The following VPS13D variants were observed in gnomAD, a reference collection of about 807,000 sequenced individuals.
VPS13D encodes the protein intermembrane lipid transfer protein VPS13D.
VPS13D carries 187 observed loss-of-function variants against 461.9 expected under a neutral mutation model. That is an observed-to-expected ratio of 0.40 (90% confidence interval 0.36 to 0.46). The LOEUF is 0.46. VPS13D is among the 20% of genes least tolerant of loss of function. The pLI is 0.60. For missense variants in VPS13D, 4,711 were observed against 5,364.9 expected, an observed-to-expected ratio of 0.88 and a Z score of 3.81; for synonymous variants, 1,951 against 1,986.3, an observed-to-expected ratio of 0.98 and a Z score of 0.47.
At position 12,509,058 on chromosome 1, in the gene VPS13D, G is replaced by A. The variant is rs1646151827; in HGVS notation, c.*34G>A. The stretch of plus-strand genomic sequence containing the variant: ...TGCTGAGATGGGCGCTCCCGACACA[G>A]CGCAGACCCACCAGGAGGAAAGAGG... On this transcript the variant is annotated 3_prime_UTR_variant, in exon 70 of 70. Transcript: ENST00000620676. 6.2e-7 allele frequency: 1 copy of A among 1,604,880 alleles called. No homozygotes were observed.
chr1:12,505,635 G>C lies in VPS13D; in HGVS notation c.12795-1218G>C, dbSNP rs991385317. ...GGGCTCACCTCGTAGTCAGCAAAGA[G>C]ACTTATCCAGGACATGTGGAAAGAA... On this transcript the variant is annotated intron_variant, in intron 68 of 69. Coordinates refer to ENST00000620676, the MANE Select transcript of VPS13D (RefSeq NM_015378.4). This position sits in a 1 kb window ranked among gnomAD's most constrained non-coding sequence, Gnocchi z 4.2. Among the ~76,000 whole-genome samples, 1 of 152,226 alleles carries C rather than the reference G, an allele frequency of 6.6e-6. No individual in the cohort carries two copies. Among genetic ancestry groups the C allele is most frequent in the Non-Finnish European group, 1.5e-5 (1 of 68,048 alleles).
chr1:12,388,851 A>G (rs528080526), intron 60 of VPS13D, among the ~76,000 whole-genome samples: 18 of 152,346 alleles, frequency 1.2e-4, no homozygotes, highest in Admixed American at 1.0e-3. Flanking sequence ...AGGAAAGAAG[A>G]TGAAAAAAGA....
At chr1:12,323,168 C>T (rs564945289) in intron 34 of VPS13D, among the ~76,000 whole-genome samples, 49 of 152,270 alleles carry the variant, frequency 3.2e-4, no homozygotes, top group African/African-American at 1.1e-3. Flanking sequence ...CTCCTGGGCC[C>T]AAGCTATCTT....
intron 67 of VPS13D, among the ~76,000 whole-genome samples, chr1:12,470,630 A>G (rs1645551145): frequency 6.6e-6 from 1 of 152,324 alleles, no homozygotes; most frequent in African/African-American, 2.4e-5. Flanking sequence ...AATACTGGGA[A>G]TATTTAAATA....
intron 44 of VPS13D, among the ~76,000 whole-genome samples, chr1:12,347,786 C>T (rs921202693): frequency 6.6e-6 from 1 of 152,186 alleles, no homozygotes; most frequent in African/African-American, 2.4e-5. Flanking sequence ...TCTGGACACT[C>T]ATTCTAAGAG....
intron 65 of VPS13D, among the ~76,000 whole-genome samples, chr1:12,449,871 TCCTAGCACCTCGTGGG>T (rs1645239501): frequency 6.6e-6 from 1 of 152,190 alleles, no homozygotes; most frequent in Non-Finnish European, 1.5e-5. Flanking sequence ...ATGCCTGTAA[TCCTAGCACCTCGTGGG>T]GCCGAGGTAG....
chr1:12,366,573 A>C (rs1211308290), intron 52 of VPS13D, among the ~76,000 whole-genome samples: 1 of 152,118 alleles, frequency 6.6e-6, no homozygotes, highest in African/African-American at 2.4e-5. Context: ...GTTGTGTGAG[A>C]ATTGGAAGCC....
chr1:12,349,451 C>G, intron 46 of VPS13D, 77 bp downstream of exon 46: 1 of 1,320,564 alleles, frequency 7.6e-7, no homozygotes, highest in Non-Finnish European at 1.1e-6. Flanking sequence ...CATTCTTTCT[C>G]TAAAGACCCT....
At chr1:12,359,665 T>A (rs1643921802) in intron 50 of VPS13D, among the ~76,000 whole-genome samples, 1 of 152,344 alleles carries the variant, frequency 6.6e-6, no homozygotes. Flanking sequence ...TATGTTTAAA[T>A]GTCTGAGGAT....
intron 63 of VPS13D, among the ~76,000 whole-genome samples, chr1:12,410,997 A>G (rs1167149408): frequency 6.6e-6 from 1 of 152,240 alleles, no homozygotes; most frequent in African/African-American, 2.4e-5. Context: ...AAAAGCTACA[A>G]CAAACATCAT....
At position 12,346,669 on chromosome 1, in the gene VPS13D, T is replaced by A. The variant is rs569526976; in HGVS notation, c.9069+17T>A. The A allele has an allele frequency of 1.2e-6, 2 of 1,611,458 alleles. No homozygotes were observed. The highest frequency in any genetic ancestry group is 1.7e-6 in the Non-Finnish European group (2 of 1,178,680). On this transcript the variant is annotated intron_variant, in intron 44 of 69. Coordinates refer to ENST00000620676, the MANE Select transcript of VPS13D (RefSeq NM_015378.4). ...CAGGTTTATGTAAGTATGATTTTCC[T>A]GTTGTCATTGTGTTTATTGCGTATA... is the stretch of plus-strand genomic sequence containing the variant.
rs369842419 is a variant in VPS13D at position 12,369,652 on chromosome 1, G to A, written c.10758G>A (p.Gln3586=). Residue 3586 remains glutamine, a synonymous_variant, in exon 54 of 70, where the codon CAG becomes CAA. Coordinates refer to ENST00000620676, the MANE Select transcript of VPS13D (RefSeq NM_015378.4). ...CNMNDFQDNR[Q]LYYENFIYIA... is the part of the protein sequence containing the mutation. ...TGAATGATTTCCAGGATAATCGGCAGCTTTATTATGAAAATTTCATTTACA... is the reference window on the plus strand; with the variant it reads ...TGAATGATTTCCAGGATAATCGGCAACTTTATTATGAAAATTTCATTTACA... 5.9e-5 allele frequency: 95 copies of A among 1,614,038 alleles called. No homozygotes were observed. The highest frequency in any genetic ancestry group is 1.6e-4 in the Middle Eastern group (1 of 6,084).
intron 30 of VPS13D, among the ~76,000 whole-genome samples, chr1:12,314,596 T>C (rs1162266358): frequency 2.0e-5 from 3 of 152,244 alleles, no homozygotes; most frequent in Non-Finnish European, 4.4e-5. Context: ...AGCTGTAGAC[T>C]GTTTTAATTT....
At chr1:12,351,764 G>C (rs1442335632) in intron 46 of VPS13D, among the ~76,000 whole-genome samples, 2 of 147,786 alleles carry the variant, frequency 1.4e-5, no homozygotes, top group Non-Finnish European at 3.0e-5. Context: ...GCTGATTTTT[G>C]TATTTTTAGT....
intron 65 of VPS13D, among the ~76,000 whole-genome samples, chr1:12,436,670 G>GTT (rs1171003379): frequency 6.6e-6 from 1 of 151,536 alleles, no homozygotes; most frequent in African/African-American, 2.4e-5. Flanking sequence ...GTTTTTTTTT[G>GTT]TTTGTTTTTG....
At chr1:12,379,660 C>A in intron 57 of VPS13D, 64 bp downstream of exon 57, 1 of 1,214,912 alleles carries the variant, frequency 8.2e-7, no homozygotes, top group Non-Finnish European at 1.2e-6. Flanking sequence ...AACAAAGTCT[C>A]TACTAAGTTA....
chr1:12,478,385 G>A (rs906733138), intron 67 of VPS13D, among the ~76,000 whole-genome samples: 3 of 152,252 alleles, frequency 2.0e-5, no homozygotes, highest in Non-Finnish European at 4.4e-5. Context: ...GGGAGGTTCT[G>A]TGTCCCATTG....
chr1:12,300,786 C>T (rs1642404278), intron 25 of VPS13D, among the ~76,000 whole-genome samples: 2 of 152,112 alleles, frequency 1.3e-5, no homozygotes, highest in South Asian at 4.2e-4. Context: ...GATTAGTCCC[C>T]CTTCATCCAT....
chr1:12,488,389 C>A (rs891215931), intron 67 of VPS13D, among the ~76,000 whole-genome samples: 1 of 152,180 alleles, frequency 6.6e-6, no homozygotes, highest in Non-Finnish European at 1.5e-5. Flanking sequence ...AATCTAGTAA[C>A]TTCTTCAGTG....
Sources: allele counts gnomAD v4.1 joint callset (sites outside exome capture counted in the v4.1 genomes callset), GRCh38; gene constraint gnomAD v4.1.1; non-coding constraint Gnocchi (gnomAD v3.1); transcripts MANE v1.5; gene names NCBI Gene and HGNC (gene_info 2026-07-23, HGNC 2026-07-21).